SCHIP1: variants seen among roughly 807,000 people sequenced by gnomAD.
The protein encoded by SCHIP1 is schwannomin-interacting protein 1.
A neutral mutation model predicts 29.7 loss-of-function variants in SCHIP1; 8 were observed. That is an observed-to-expected ratio of 0.27 (90% CI 0.16 to 0.49). SCHIP1 has a LOEUF of 0.49. Among genes scored for constraint, SCHIP1 ranks in the 20% least tolerant of loss-of-function variants. The pLI is 0.99. For synonymous variants in SCHIP1, 76 were observed against 94.9 expected (o/e 0.80, Z 1.16); for missense variants, 193 against 294.6 (o/e 0.66, Z 2.52).
At chr3:159,489,591 G>A in the SCHIP1 span, among the ~76,000 whole-genome samples, 1 of 152,118 alleles carries the variant, frequency 6.6e-6, no homozygotes, top group Non-Finnish European at 1.5e-5. Flanking sequence ...AATCTGTCCT[G>A]CTGAAATACT....
At chr3:159,884,779 G>A (rs958257452) in intron 2 of SCHIP1, among the ~76,000 whole-genome samples, 4 of 152,260 alleles carry the variant, frequency 2.6e-5, no homozygotes, top group Admixed American at 2.6e-4. Flanking sequence ...AAGAAGTAAG[G>A]ATTCAGAACC....
At chr3:159,744,778 C>T in the SCHIP1 span, among the ~76,000 whole-genome samples, 1 of 152,080 alleles carries the variant, frequency 6.6e-6, no homozygotes, top group Non-Finnish European at 1.5e-5. Flanking sequence ...GAGATCGAGA[C>T]CATCCTGGCT....
At chr3:159,696,537 A>T in the SCHIP1 span, among the ~76,000 whole-genome samples, 1 of 152,222 alleles carries the variant, frequency 6.6e-6, no homozygotes, top group Non-Finnish European at 1.5e-5. Flanking sequence ...GCCATAAATA[A>T]CATATTTATT....
the SCHIP1 span, among the ~76,000 whole-genome samples, chr3:159,729,225 T>C: frequency 1.3e-5 from 2 of 152,076 alleles, no homozygotes; most frequent in Non-Finnish European, 2.9e-5. Context: ...CTTTATAATA[T>C]TGTGGTAGTG....
chr3:159,710,776 T>A, the SCHIP1 span, among the ~76,000 whole-genome samples: 1 of 151,894 alleles, frequency 6.6e-6, no homozygotes, highest in South Asian at 2.1e-4. Context: ...ACAATGGAAT[T>A]TTTTTTAAAA....
At chr3:159,659,337 G>A in the SCHIP1 span, among the ~76,000 whole-genome samples, 1 of 152,214 alleles carries the variant, frequency 6.6e-6, no homozygotes, top group East Asian at 1.9e-4. Context: ...GCTCTCTGTT[G>A]TGCCAGCACA....
the SCHIP1 span, among the ~76,000 whole-genome samples, chr3:159,806,595 A>G: frequency 6.6e-6 from 1 of 152,252 alleles, no homozygotes; most frequent in African/African-American, 2.4e-5. Context: ...AGGGCACCAA[A>G]GGACAGAGAG....
the SCHIP1 span, among the ~76,000 whole-genome samples, chr3:159,662,546 A>G: frequency 6.6e-6 from 1 of 152,228 alleles, no homozygotes; most frequent in Non-Finnish European, 1.5e-5. Context: ...ACCCAGTCAT[A>G]TCAGAATCAA....
chr3:159,507,945 C>T, the SCHIP1 span, among the ~76,000 whole-genome samples: 1 of 152,196 alleles, frequency 6.6e-6, no homozygotes, highest in African/African-American at 2.4e-5. Flanking sequence ...TGTTGTGTCT[C>T]TGCCAGGCTT....
At chr3:159,538,383 TA>T in the SCHIP1 span, among the ~76,000 whole-genome samples, 1 of 152,302 alleles carries the variant, frequency 6.6e-6, no homozygotes, top group South Asian at 2.1e-4. Context: ...TTAAGTGTTT[TA>T]AAAATATTCA....
the SCHIP1 span, among the ~76,000 whole-genome samples, chr3:159,713,233 GAAGAAAGAAAGA>G: frequency 0.048 from 6,018 of 124,530 alleles, 130 homozygotes; most frequent in African/African-American, 0.067. Context: ...AGAAAGAAAG[GAAGAAAGAAAGA>G]AAGAAAGAAA....
chr3:159,388,365 A>G, the SCHIP1 span, among the ~76,000 whole-genome samples: 1 of 152,160 alleles, frequency 6.6e-6, no homozygotes, highest in African/African-American at 2.4e-5. Context: ...GGAGTAAATT[A>G]AGAAACATGT....
At chr3:159,688,576 T>C in the SCHIP1 span, among the ~76,000 whole-genome samples, 51 of 152,240 alleles carry the variant, frequency 3.3e-4, 1 homozygote, top group Non-Finnish European at 2.9e-5. Context: ...TAGTTTCTTT[T>C]GCTGTGCAGA....
chr3:159,593,559 G>A, the SCHIP1 span, among the ~76,000 whole-genome samples: 1 of 152,280 alleles, frequency 6.6e-6, no homozygotes, highest in East Asian at 1.9e-4. Flanking sequence ...GCCCCTTCTG[G>A]TGAGAGATAG....
chr3:159,345,528 G>GT, the SCHIP1 span, among the ~76,000 whole-genome samples: 84 of 149,860 alleles, frequency 5.6e-4, no homozygotes, highest in African/African-American at 1.7e-3. Context: ...GAGAAGCTCA[G>GT]TTTTTTTTTA....
chr3:159,460,952 A>G, the SCHIP1 span, among the ~76,000 whole-genome samples: 154 of 152,222 alleles, frequency 1.0e-3, 2 homozygotes, highest in Non-Finnish European at 2.5e-4. Flanking sequence ...GGGTAGAGGA[A>G]CTTCGTGTTA....
chr3:159,503,869 A>T, the SCHIP1 span, among the ~76,000 whole-genome samples: 1 of 152,208 alleles, frequency 6.6e-6, no homozygotes, highest in Non-Finnish European at 1.5e-5. Flanking sequence ...ATCATAGATA[A>T]AAGGGGGAAT....
chr3:159,509,373 G>A, the SCHIP1 span, among the ~76,000 whole-genome samples: 1 of 152,184 alleles, frequency 6.6e-6, no homozygotes, highest in Admixed American at 6.5e-5. Context: ...CTGCATGTGA[G>A]ATAGGTTTCC....
chr3:159,392,405 C>T, the SCHIP1 span, among the ~76,000 whole-genome samples: 3 of 152,028 alleles, frequency 2.0e-5, no homozygotes, highest in African/African-American at 7.3e-5. Flanking sequence ...TGGTGCGCTG[C>T]ACCCACTAAC....
Sources: gnomAD v4.1 joint callset for allele counts (sites outside exome capture counted in the v4.1 genomes callset) on GRCh38, gnomAD v4.1.1 for gene constraint, MANE v1.5 for transcripts, NCBI Gene and HGNC (gene_info 2026-07-23, HGNC 2026-07-21) for gene names.